The following NEDD9 variants were observed in gnomAD, a reference collection of about 807,000 sequenced individuals.
NEDD9 encodes enhancer of filamentation 1.
A neutral mutation model predicts 76.6 loss-of-function variants in NEDD9; 26 were observed. That is an observed-to-expected ratio of 0.34 (90% confidence interval 0.25 to 0.47). The LOEUF (loss-of-function observed/expected upper bound fraction) is 0.47. NEDD9 is among the 20% of genes least tolerant of loss of function. The pLI is 1.00. For missense variants in NEDD9, 937 were observed against 1,058.5 expected (o/e 0.89, Z 1.59); for synonymous variants, 392 against 414.2 (o/e 0.95, Z 0.65).
At chr6:11,351,724 G>A (rs1286020514) in intron 1 of NEDD9, among the ~76,000 whole-genome samples, 2 of 152,134 alleles carry the variant, frequency 1.3e-5, no homozygotes, top group African/African-American at 4.8e-5. Context: ...TCATCCAATC[G>A]AGCATAGCAA....
At chr6:11,356,809 C>T (rs990897201) in intron 1 of NEDD9, among the ~76,000 whole-genome samples, 42 of 141,844 alleles carry the variant, frequency 3.0e-4, no homozygotes, top group African/African-American at 8.5e-4. Context: ...TGTTTTATGG[C>T]CTGAATGACG....
intron 3 of NEDD9, among the ~76,000 whole-genome samples, chr6:11,275,455 C>T (rs1760395140): frequency 6.6e-6 from 1 of 151,980 alleles, no homozygotes; most frequent in African/African-American, 2.4e-5. Flanking sequence ...TGTTAATTAG[C>T]TTGATTTAGC....
intron 2 of NEDD9, among the ~76,000 whole-genome samples, chr6:11,322,935 G>A (rs1428316179): frequency 6.6e-6 from 1 of 152,210 alleles, no homozygotes; most frequent in East Asian, 1.9e-4. Flanking sequence ...CTACCTGGGT[G>A]GTCTTGGGCA....
chr6:11,263,306 G>A (rs1188427317), intron 3 of NEDD9, among the ~76,000 whole-genome samples: 1 of 152,146 alleles, frequency 6.6e-6, no homozygotes, highest in African/African-American at 2.4e-5. Context: ...TTAATAGTCT[G>A]CAGTAGATAT....
At chr6:11,353,609 A>G (rs998621330) in intron 1 of NEDD9, among the ~76,000 whole-genome samples, 1 of 152,228 alleles carries the variant, frequency 6.6e-6, no homozygotes, top group Admixed American at 6.5e-5. Flanking sequence ...CACCCAGTTT[A>G]TGGTACTTTG....
At chr6:11,186,766 C>T (rs984074852) in intron 6 of NEDD9, among the ~76,000 whole-genome samples, 4 of 152,138 alleles carry the variant, frequency 2.6e-5, no homozygotes, top group African/African-American at 7.2e-5. Context: ...TACAGGCGCC[C>T]GCCACCATGC....
chr6:11,201,651 TTATC>T (rs1236437791), intron 2 of NEDD9, among the ~76,000 whole-genome samples: 41 of 152,302 alleles, frequency 2.7e-4, no homozygotes, highest in African/African-American at 8.9e-4. Context: ...TACTTCTACA[TTATC>T]TATCTATCTA....
chr6:11,348,710 T>C (rs2113531976), intron 1 of NEDD9, among the ~76,000 whole-genome samples: 1 of 152,296 alleles, frequency 6.6e-6, no homozygotes, highest in South Asian at 2.1e-4. Context: ...CTGGAATAAC[T>C]GGCTAGGCAT....
At chr6:11,224,114 A>G (rs1371938540) in intron 1 of NEDD9, among the ~76,000 whole-genome samples, 2 of 152,246 alleles carry the variant, frequency 1.3e-5, no homozygotes, top group African/African-American at 4.8e-5. Flanking sequence ...CCAACAACAA[A>G]GGATGGGAAT....
At chr6:11,361,488 A>G (rs981818400) in intron 1 of NEDD9, among the ~76,000 whole-genome samples, 1 of 152,040 alleles carries the variant, frequency 6.6e-6, no homozygotes, top group Non-Finnish European at 1.5e-5. Flanking sequence ...GGTACCATAC[A>G]CTTTTACACA....
chr6:11,226,926 T>C (rs1208415264), intron 1 of NEDD9, among the ~76,000 whole-genome samples: 2 of 152,222 alleles, frequency 1.3e-5, no homozygotes, highest in African/African-American at 4.8e-5. Flanking sequence ...GTAGCTAGCA[T>C]AAAACTATAC....
chr6:11,303,944 C>T (rs1376585813), intron 3 of NEDD9, among the ~76,000 whole-genome samples: 2 of 152,204 alleles, frequency 1.3e-5, no homozygotes, highest in Non-Finnish European at 2.9e-5. Context: ...CAACAAAAGC[C>T]AAAATAGACA....
chr6:11,314,034 T>G (rs79513772), intron 2 of NEDD9, among the ~76,000 whole-genome samples: 11,903 of 152,260 alleles, frequency 0.078, 597 homozygotes, highest in Admixed American at 0.16. Flanking sequence ...GTAAAGGAAC[T>G]TGTTATAGGA....
rs770260664 is a variant in NEDD9, at chr6:11,193,715, G to A, written c.460-23C>T. 1.3e-5 allele frequency: 21 copies of A among 1,582,306 alleles called. No homozygotes were observed. The Admixed American group carries it at 3.5e-4, about 27-fold the overall frequency. ...CACCTGTGGGAGAGAAGGCACAGAG[G>A]TGTAAATTTCCAAGCCTGAGTCCTT... On this transcript the variant is annotated intron_variant, in intron 2 of 6. Transcript: ENST00000379446.
intron 2 of NEDD9, among the ~76,000 whole-genome samples, chr6:11,194,823 G>T (rs1758249940): frequency 6.6e-6 from 1 of 152,162 alleles, no homozygotes. Flanking sequence ...TACTTCATTG[G>T]TGTGCTAAGC....
chr6:11,332,595 AG>A (rs1762065525), intron 2 of NEDD9, among the ~76,000 whole-genome samples: 1 of 152,222 alleles, frequency 6.6e-6, no homozygotes, highest in Non-Finnish European at 1.5e-5. Flanking sequence ...CTCTTGAATT[AG>A]ATGCTCCTTT....
chr6:11,191,445 C>T (rs1758142917), intron 4 of NEDD9, among the ~76,000 whole-genome samples: 1 of 152,130 alleles, frequency 6.6e-6, no homozygotes, highest in Admixed American at 6.5e-5. Context: ...AAATTGCTCA[C>T]CCTGTGTTTC....
At chr6:11,236,133 A>C (rs1759594188), upstream of NEDD9, among the ~76,000 whole-genome samples, 1 of 152,200 alleles carries the variant, frequency 6.6e-6, no homozygotes, top group South Asian at 2.1e-4. This position sits in a 1 kb window ranked among gnomAD's most constrained non-coding sequence, Gnocchi z 5.5. Flanking sequence ...TATTACTATC[A>C]GATGCAAAAA....
intron 3 of NEDD9, among the ~76,000 whole-genome samples, chr6:11,276,910 G>A (rs1232679756): frequency 6.6e-6 from 1 of 152,166 alleles, no homozygotes; most frequent in African/African-American, 2.4e-5. Context: ...TTAGATCCTG[G>A]CAAAGGAATA....
Sources: gnomAD v4.1 joint callset for allele counts (sites outside exome capture counted in the v4.1 genomes callset) on GRCh38, gnomAD v4.1.1 for gene constraint, Gnocchi (gnomAD v3.1) non-coding constraint, MANE v1.5 for transcripts, NCBI Gene and HGNC (gene_info 2026-07-23, HGNC 2026-07-21) for gene names.